Variants in AACS observed in about 807,000 individuals in gnomAD.
The protein encoded by AACS is acetoacetate-CoA ligase.
In AACS, 69 loss-of-function variants were observed where a neutral mutation model predicts 83.1. The observed-to-expected ratio is 0.83, with a 90% CI of 0.68 to 1.01. The LOEUF (loss-of-function observed/expected upper bound fraction) is 1.01. AACS is among the 50% of genes least tolerant of loss of function. The pLI is 0.00. For synonymous variants in AACS, 333 were observed against 343.4 expected (o/e 0.97, Z 0.33); for missense variants, 866 against 882.2 (o/e 0.98, Z 0.23).
chr12:125,066,612 G>C (rs1955706760), intron 1 of AACS, among the ~76,000 whole-genome samples: 1 of 151,902 alleles, frequency 6.6e-6, no homozygotes, highest in East Asian at 1.9e-4. Flanking sequence ...ACCACGCCTG[G>C]CTAATTTTGT....
In AACS at chr12:125,102,800, G is replaced by A. The variant is rs1357791649; in HGVS notation, c.685+7G>A. ...CTGCAGCAGGTGGTTAAAGGTGTGT[G>A]GCCCTTCCGGCTCCCAGCCGGCATG... is the stretch of plus-strand genomic sequence containing the variant. On this transcript the variant is annotated splice_region_variant and intron_variant, in intron 6 of 17. Coordinates refer to ENST00000316519, the MANE Select transcript of AACS (RefSeq NM_023928.5). The A allele has an allele frequency of 8.1e-6, 13 of 1,612,748 alleles. No homozygotes were observed. Among genetic ancestry groups the A allele is most frequent in the East Asian group, 2.2e-5 (1 of 44,886 alleles).
intron 15 of AACS, among the ~76,000 whole-genome samples, chr12:125,134,408 G>A (rs1244360990): frequency 1.3e-5 from 2 of 152,158 alleles, no homozygotes; most frequent in African/African-American, 4.8e-5. Flanking sequence ...CTGGGGTGGC[G>A]CATCCCTGTG....
chr12:125,072,614 C>T (rs1042739994), intron 1 of AACS, among the ~76,000 whole-genome samples: 8 of 152,166 alleles, frequency 5.3e-5, no homozygotes, highest in Admixed American at 1.3e-4. Context: ...CCTTGGTCCC[C>T]GATAGGATAA....
At chr12:125,071,331 T>G (rs889706414) in intron 1 of AACS, among the ~76,000 whole-genome samples, 2 of 152,104 alleles carry the variant, frequency 1.3e-5, no homozygotes, top group South Asian at 4.2e-4. Flanking sequence ...CCCTCTCAGG[T>G]TGGAAAGGGG....
intron 3 of AACS, among the ~76,000 whole-genome samples, chr12:125,085,544 C>T (rs936842340): frequency 2.6e-5 from 4 of 152,164 alleles, no homozygotes; most frequent in African/African-American, 9.7e-5. Context: ...GTTGCATCCA[C>T]ATCTGTTTCA....
chr12:125,088,582 C>T (rs553732508), intron 4 of AACS, among the ~76,000 whole-genome samples: 2 of 152,212 alleles, frequency 1.3e-5, no homozygotes, highest in African/African-American at 2.4e-5. Flanking sequence ...GGTTCTTGGT[C>T]GTCTGATTTA....
chr12:125,136,967 C>A, intron 17 of AACS, 103 bp downstream of exon 17: 1 of 1,167,302 alleles, frequency 8.6e-7, no homozygotes, highest in Non-Finnish European at 1.2e-6. Context: ...CTTTATATAT[C>A]GTTTGTCCAC....
At chr12:125,095,646 G>A (rs111499351) in intron 5 of AACS, among the ~76,000 whole-genome samples, 2 of 152,198 alleles carry the variant, frequency 1.3e-5, no homozygotes, top group African/African-American at 2.4e-5. Flanking sequence ...TCTCCCTCCC[G>A]CCTACCCTGT....
At chr12:125,142,039 AT>A in intron 17 of AACS, 52 bp from the exon 18 acceptor site, 1 of 1,607,830 alleles carries the variant, frequency 6.2e-7, no homozygotes. Flanking sequence ...AGGGCTGCGG[AT>A]TTTCCCCCCT....
At chr12:125,107,619 C>T (rs1956862658) in intron 8 of AACS, among the ~76,000 whole-genome samples, 1 of 152,086 alleles carries the variant, frequency 6.6e-6, no homozygotes, top group Admixed American at 6.6e-5. Context: ...ATAGGTGGGC[C>T]CTGCCAGTAT....
intron 17 of AACS, 115 bp from the exon 18 acceptor site, chr12:125,141,977 T>C (rs1394674424): frequency 1.3e-5 from 17 of 1,353,260 alleles, no homozygotes; most frequent in Non-Finnish European, 1.7e-5. Flanking sequence ...CCGAGACCCA[T>C]TCACTCTTGG....
In AACS at chr12:125,109,279, G is replaced by A. The variant is rs144814797; in HGVS notation, c.915+2011G>A. Among the ~76,000 whole-genome samples the A allele has an allele frequency of 3.8e-3, 576 of 152,070 alleles. 17 individuals are homozygous for A. The highest frequency in any genetic ancestry group is 0.016 in the South Asian group (79 of 4,812). On this transcript the variant is annotated intron_variant, in intron 8 of 17. Coordinates refer to ENST00000316519, the MANE Select transcript of AACS (RefSeq NM_023928.5). ...TCCAAGTACCTTGGACTACAGGCACGTGCTACTTTTTTGTTTTTGTAGAGA... is the reference window on the plus strand; with the variant it reads ...TCCAAGTACCTTGGACTACAGGCACATGCTACTTTTTTGTTTTTGTAGAGA...
Position 125,091,657 on chromosome 12 carries a change from C to T in AACS, c.570+134C>T, listed in dbSNP as rs542449936. 3.5e-6 allele frequency: 3 copies of T among 848,656 alleles called. No homozygotes were observed. The South Asian group carries it at 4.3e-5, about 12-fold the overall frequency. 52.6% of individuals were successfully genotyped at this position (848,656 alleles called of 1,614,324 possible). ...CGGGAGGAGGTGGCGTTGCAGCTGC[C>T]TCTATGGGGAAAGAAGCCAGAAGGA... On this transcript the variant is annotated intron_variant, in intron 5 of 17. Coordinates refer to ENST00000316519, the MANE Select transcript of AACS (RefSeq NM_023928.5).
intron 7 of AACS, 84 bp from the exon 8 acceptor site, chr12:125,107,037 A>G: frequency 2.6e-6 from 4 of 1,567,848 alleles, no homozygotes; most frequent in Non-Finnish European, 8.7e-7. Flanking sequence ...GTAGAAACAG[A>G]GGGAAGTGCA....
At chr12:125,074,034 G>C in intron 2 of AACS, 55 bp downstream of exon 2, 2 of 1,440,048 alleles carry the variant, frequency 1.4e-6, no homozygotes, top group African/African-American at 1.4e-5. Flanking sequence ...GCTTCAAAGT[G>C]AAATGCTAAT....
At position 125,129,075 on chromosome 12, in the gene AACS, G is replaced by A; in HGVS notation, c.1424-260G>A. The A allele has an allele frequency of 2.8e-6, 1 of 351,234 alleles. No homozygotes were observed. Among genetic ancestry groups the A allele is most frequent in the Non-Finnish European group, 5.2e-6 (1 of 192,472 alleles). 21.8% of individuals were successfully genotyped at this position (351,234 alleles called of 1,614,324 possible). A position where few individuals can be genotyped will look rare whatever the true frequency, so the allele number is the denominator to read the frequency against. The stretch of plus-strand genomic sequence containing the variant: ...CTATTCAAGGATGCGTGTGGATGGA[G>A]CAGAAATGTTAACACACATGGGAAT... On this transcript the variant is annotated intron_variant, in intron 13 of 17. Coordinates refer to ENST00000316519, the MANE Select transcript of AACS (RefSeq NM_023928.5). This position sits in a 1 kb window ranked among gnomAD's most constrained non-coding sequence, Gnocchi z 4.3.
intron 9 of AACS, chr12:125,117,739 A>G (rs1262783314): frequency 6.6e-6 from 1 of 152,264 alleles, no homozygotes; most frequent in Non-Finnish European, 1.5e-5. Flanking sequence ...TAATACCAGC[A>G]CTTTGTGAGG....
intron 3 of AACS, among the ~76,000 whole-genome samples, chr12:125,080,572 CTG>C (rs1307290406): frequency 4.6e-5 from 7 of 152,034 alleles, no homozygotes; most frequent in African/African-American, 1.7e-4. Flanking sequence ...GGTTATAATT[CTG>C]TGTCTGTTTC....
intron 1 of AACS, among the ~76,000 whole-genome samples, chr12:125,067,723 G>A (rs192887965): frequency 1.3e-5 from 2 of 151,906 alleles, no homozygotes; most frequent in Admixed American, 1.3e-4. Context: ...TAGTAGAGAC[G>A]GGGTTTCACC....
Sources: allele counts gnomAD v4.1 joint callset (sites outside exome capture counted in the v4.1 genomes callset), GRCh38; gene constraint gnomAD v4.1.1; non-coding constraint Gnocchi (gnomAD v3.1); transcripts MANE v1.5; gene names NCBI Gene and HGNC (gene_info 2026-07-23, HGNC 2026-07-21).